NRCAM: variants seen among roughly 807,000 people sequenced by gnomAD.
The protein encoded by NRCAM is NgCAM-related cell adhesion molecule.
Under a neutral mutation model 156.5 loss-of-function variants are expected in NRCAM, and 83 were observed. The observed-to-expected ratio is 0.53, with a 90% CI of 0.44 to 0.64. The LOEUF (loss-of-function observed/expected upper bound fraction) is 0.64, where lower values mean the gene tolerates loss of function less well. Ranked by LOEUF, NRCAM falls within the 30% of genes least tolerant of loss-of-function variation. The pLI, the probability that NRCAM is intolerant of heterozygous loss-of-function variation, is 0.00. For missense variants in NRCAM, 1,417 were observed against 1,597.3 expected, an observed-to-expected ratio of 0.89 and a Z score of 1.92; for synonymous variants, 538 against 563.9, an observed-to-expected ratio of 0.95 and a Z score of 0.65.
chr7:108,189,841 GAC>G, intron 19 of NRCAM, 95 bp from the exon 20 acceptor site: 1 of 625,514 alleles, frequency 1.6e-6, no homozygotes, highest in African/African-American at 1.9e-5. Flanking sequence ...ACATCTTAAA[GAC>G]ACAGCACACT....
At chr7:108,172,799 C>A (rs918402712) in intron 28 of NRCAM, among the ~76,000 whole-genome samples, 1 of 152,104 alleles carries the variant, frequency 6.6e-6, no homozygotes, top group African/African-American at 2.4e-5. Flanking sequence ...GGTTTTCCTT[C>A]AGGTTTATAA....
chr7:108,189,671 C>T lies in NRCAM; in HGVS notation c.2009G>A (p.Gly670Asp), dbSNP rs1399469999. ...DKSVQLSWTPGDDNNSPITKF... is the reference protein window; with the variant it reads ...DKSVQLSWTPDDDNNSPITKF... Reference sequence around the variant, plus strand: ...TGTAATGGGGCTATTGTTGTCATCGCCTGGGGTCCATGACAGCTGAACACT... The same window carrying T: ...TGTAATGGGGCTATTGTTGTCATCGTCTGGGGTCCATGACAGCTGAACACT... Residue 670 changes from glycine to aspartate, a missense_variant, in exon 20 of 33, where the codon GGC becomes GAC. Physicochemically the swap from Gly to Asp is moderately conservative, Grantham distance 94. Coordinates refer to ENST00000379028, the MANE Select transcript of NRCAM (RefSeq NM_001037132.4). 2.0e-6 allele frequency: 3 copies of T among 1,497,610 alleles called. No homozygotes were observed. Among genetic ancestry groups the T allele is most frequent in the Non-Finnish European group, 2.8e-6 (3 of 1,076,666 alleles). 92.8% of individuals were successfully genotyped at this position (1,497,610 alleles called of 1,614,324 possible). A position where few individuals can be genotyped will look rare whatever the true frequency, so the allele number is the denominator to read the frequency against.
rs71137620 is a variant in NRCAM, at chr7:108,254,551, C to CTT, written c.-106-14383_-106-14382dup. Among the ~76,000 whole-genome samples the CTT allele has an allele frequency of 1.5e-4, 19 of 130,328 alleles. 1 individual carries two copies. Among genetic ancestry groups the CTT allele is most frequent in the African/African-American group, 4.3e-4 (14 of 32,372 alleles). The allele number at this position is 130,328 out of a possible 152,430, so 85.5% of individuals were successfully genotyped here. ...TAGCCATTCTGAAAAAACAATTTTG[C>CTT]TTTTTTTTTTTTTTTGAGATGGAAC... On this transcript the variant is annotated intron_variant, in intron 3 of 32. Coordinates refer to ENST00000379028, the MANE Select transcript of NRCAM (RefSeq NM_001037132.4).
At chr7:108,359,226 A>T (rs1355056509) in intron 2 of NRCAM, among the ~76,000 whole-genome samples, 1 of 152,240 alleles carries the variant, frequency 6.6e-6, no homozygotes, top group African/African-American at 2.4e-5. Context: ...ACAGAAATGA[A>T]GCAGATGTAA....
chr7:108,180,697 T>G lies in NRCAM; in HGVS notation c.2647-270A>C, dbSNP rs372319479. On this transcript the variant is annotated intron_variant, in intron 24 of 32. Coordinates refer to ENST00000379028, the MANE Select transcript of NRCAM (RefSeq NM_001037132.4). ...GAAAATGAAAACAGCACGAGACCCA[T>G]GTGGTTTTCTCTAGAACATGAGGCA... is the stretch of plus-strand genomic sequence containing the variant. 2.6e-4 allele frequency among the ~76,000 whole-genome samples: 40 copies of G among 152,206 alleles called. 1 individual carries two copies. Among genetic ancestry groups the G allele is most frequent in the East Asian group, 2.3e-3 (12 of 5,208 alleles).
upstream of NRCAM, chr7:108,456,478 C>T (rs1045773596): frequency 6.6e-6 from 1 of 151,808 alleles, no homozygotes; most frequent in Non-Finnish European, 1.5e-5. Context: ...CCGCCCTCTC[C>T]GCTCCCCCTC....
rs1033119120 is a variant in NRCAM at position 108,228,461 on chromosome 7, A to C, written c.551-2083T>G. Among the ~76,000 whole-genome samples the C allele has an allele frequency of 3.9e-5, 6 of 152,216 alleles. No individual in the cohort carries two copies. In the South Asian group the frequency reaches 1.0e-3, roughly 26 times the overall value. On this transcript the variant is annotated intron_variant, in intron 8 of 32. Coordinates refer to ENST00000379028, the MANE Select transcript of NRCAM (RefSeq NM_001037132.4). ...GAAGGGTGTTGGCAGACCAAATGTTAGGCGATGGGACTTCATGAGGGTGGT... is the reference window on the plus strand; with the variant it reads ...GAAGGGTGTTGGCAGACCAAATGTTCGGCGATGGGACTTCATGAGGGTGGT...
At chr7:108,419,716 T>C (rs373722937) in intron 1 of NRCAM, among the ~76,000 whole-genome samples, 2 of 152,234 alleles carry the variant, frequency 1.3e-5, no homozygotes, top group African/African-American at 2.4e-5. Context: ...TTATCCAAGA[T>C]AAAAACTTTT....
intron 2 of NRCAM, among the ~76,000 whole-genome samples, chr7:108,390,942 T>G (rs1207448790): frequency 2.6e-5 from 4 of 152,246 alleles, no homozygotes; most frequent in Non-Finnish European, 5.9e-5. Flanking sequence ...GAGAGACAGT[T>G]TGTTATAGTT....
intron 1 of NRCAM, among the ~76,000 whole-genome samples, chr7:108,454,569 G>A (rs992016086): frequency 2.0e-5 from 3 of 152,200 alleles, no homozygotes; most frequent in Admixed American, 6.5e-5. Context: ...AAAGCAGCAA[G>A]TATCAGTTGC....
chr7:108,253,726 A>G (rs902486830), intron 3 of NRCAM, among the ~76,000 whole-genome samples: 12 of 152,242 alleles, frequency 7.9e-5, no homozygotes, highest in African/African-American at 2.9e-4. Context: ...GGATTCAATT[A>G]AATTTAACTC....
chr7:108,260,227 A>G (rs75654132), intron 3 of NRCAM, among the ~76,000 whole-genome samples: 1 of 152,194 alleles, frequency 6.6e-6, no homozygotes. Context: ...CTGACGTCCA[A>G]GAAAGGGCAT....
chr7:108,242,634 T>C (rs1258158794), intron 3 of NRCAM, among the ~76,000 whole-genome samples: 1 of 152,206 alleles, frequency 6.6e-6, no homozygotes, highest in Non-Finnish European at 1.5e-5. Flanking sequence ...ATCTTACATA[T>C]TATACATATT....
intron 3 of NRCAM, among the ~76,000 whole-genome samples, chr7:108,251,771 T>C (rs986947630): frequency 3.3e-5 from 5 of 152,066 alleles, no homozygotes; most frequent in African/African-American, 1.2e-4. Flanking sequence ...TCAGCTGAAG[T>C]TGAGCAGTGG....
chr7:108,179,798 T>C (rs2062520332), intron 25 of NRCAM, among the ~76,000 whole-genome samples: 2 of 152,206 alleles, frequency 1.3e-5, no homozygotes, highest in South Asian at 4.1e-4. Flanking sequence ...AGAAGTAAAC[T>C]ATAACTTATA....
At chr7:108,227,410 T>C (rs1392633832) in intron 8 of NRCAM, among the ~76,000 whole-genome samples, 1 of 152,200 alleles carries the variant, frequency 6.6e-6, no homozygotes, top group Non-Finnish European at 1.5e-5. Context: ...AATGATCAAA[T>C]CATGGTAATT....
intron 1 of NRCAM, among the ~76,000 whole-genome samples, chr7:108,446,884 C>T (rs542960085): frequency 1.6e-4 from 24 of 151,496 alleles, no homozygotes; most frequent in Admixed American, 7.9e-4. Context: ...CCCACCACCA[C>T]ACCTGGCTCA....
intron 3 of NRCAM, among the ~76,000 whole-genome samples, chr7:108,255,296 G>A (rs566726336): frequency 1.3e-5 from 2 of 152,030 alleles, no homozygotes; most frequent in African/African-American, 4.8e-5. Flanking sequence ...CCTGCCGAGT[G>A]CCTGGGATTG....
chr7:108,225,926 G>A (rs553225657), intron 9 of NRCAM, among the ~76,000 whole-genome samples: 1 of 152,248 alleles, frequency 6.6e-6, no homozygotes, highest in East Asian at 1.9e-4. Flanking sequence ...CCAATAAGAG[G>A]CACTGTGGAG....
Sources: gnomAD v4.1 joint callset for allele counts (sites outside exome capture counted in the v4.1 genomes callset) on GRCh38, gnomAD v4.1.1 for gene constraint, MANE v1.5 for transcripts, NCBI Gene and HGNC (gene_info 2026-07-23, HGNC 2026-07-21) for gene names.